WWOX: variants seen among roughly 807,000 people sequenced by gnomAD.
The protein encoded by WWOX is WW domain-containing oxidoreductase.
A neutral mutation model predicts 46.2 loss-of-function variants in WWOX; 69 were observed. The ratio of observed to expected loss-of-function variants is 1.49; its 90% CI spans 1.23 to 1.82. WWOX has a LOEUF of 1.82. Among genes scored for constraint, WWOX ranks in the 40% most tolerant of loss-of-function variants. WWOX has a pLI of 0.00. For synonymous variants in WWOX, 359 were observed against 202.6 expected, an observed-to-expected ratio of 1.77 and a Z score of -6.56; for missense variants, 919 against 542.6, an observed-to-expected ratio of 1.69 and a Z score of -6.89.
At position 78,542,622 on chromosome 16, in the gene WWOX, G is replaced by T. The variant is rs72803937; in HGVS notation, c.1056+109870G>T. On this transcript the variant is annotated intron_variant, in intron 8 of 8. Transcript: ENST00000566780. ...CCTACCGCACAGATCCACACAGGAG[G>T]GATTGCGTAATGCACCCAGCAGAGT... is the stretch of plus-strand genomic sequence containing the variant. 6.1e-3 allele frequency among the ~76,000 whole-genome samples: 936 copies of T among 152,262 alleles called. 9 individuals are homozygous for T. The highest frequency in any genetic ancestry group is 0.01 in the Non-Finnish European group (697 of 68,016).
chr16:78,659,917 G>T (rs974023039), intron 8 of WWOX, among the ~76,000 whole-genome samples: 13 of 151,992 alleles, frequency 8.6e-5, no homozygotes, highest in Admixed American at 5.9e-4. Flanking sequence ...TCATCCCAAG[G>T]GCTGTCACCA....
intron 8 of WWOX, among the ~76,000 whole-genome samples, chr16:78,922,979 C>CTTTTATTT (rs1555569179): frequency 9.0e-6 from 1 of 111,650 alleles, no homozygotes; most frequent in Non-Finnish European, 1.7e-5. Context: ...AATTCTTTCT[C>CTTTTATTT]TTTTCTTTTT....
At chr16:79,007,801 A>G (rs1438066388) in intron 8 of WWOX, among the ~76,000 whole-genome samples, 2 of 152,196 alleles carry the variant, frequency 1.3e-5, no homozygotes, top group East Asian at 1.9e-4. Context: ...ATCATTGACT[A>G]ATAATGGTAG....
At chr16:79,109,698 T>C (rs925180189) in intron 8 of WWOX, among the ~76,000 whole-genome samples, 2 of 152,242 alleles carry the variant, frequency 1.3e-5, no homozygotes, top group Non-Finnish European at 2.9e-5. Context: ...CTCTAAATTA[T>C]GATATTCATA....
chr16:78,547,734 GA>G (rs1264304606), intron 8 of WWOX, among the ~76,000 whole-genome samples: 2 of 152,114 alleles, frequency 1.3e-5, no homozygotes, highest in African/African-American at 2.4e-5. Context: ...CATATCGTGG[GA>G]GGGGCAAAGG....
At chr16:78,394,688 C>T (rs982825328) in intron 6 of WWOX, among the ~76,000 whole-genome samples, 1 of 152,202 alleles carries the variant, frequency 6.6e-6, no homozygotes, top group African/African-American at 2.4e-5. Flanking sequence ...GTTGCAACTG[C>T]TTGCTTTTGC....
chr16:78,601,934 A>G (rs1192016448), intron 8 of WWOX, among the ~76,000 whole-genome samples: 2 of 152,196 alleles, frequency 1.3e-5, no homozygotes, highest in Admixed American at 6.5e-5. Flanking sequence ...CGAAATCATC[A>G]TCTGTTTCAT....
At chr16:78,754,485 T>A (rs926619748) in intron 8 of WWOX, among the ~76,000 whole-genome samples, 1 of 152,204 alleles carries the variant, frequency 6.6e-6, no homozygotes, top group African/African-American at 2.4e-5. Flanking sequence ...ACCGCTTTCT[T>A]TTCCTCACCT....
chr16:78,361,602 A>G (rs1690795648), intron 5 of WWOX, among the ~76,000 whole-genome samples: 2 of 151,532 alleles, frequency 1.3e-5, no homozygotes, highest in Admixed American at 1.3e-4. Context: ...CTTCTCCCCC[A>G]TTTCTTTCTT....
chr16:78,793,369 T>A (rs1231203761), intron 8 of WWOX, among the ~76,000 whole-genome samples: 1 of 152,234 alleles, frequency 6.6e-6, no homozygotes. Context: ...CCCCTGCCTC[T>A]GTTTAAATGC....
chr16:78,294,780 G>A (rs187472989), intron 5 of WWOX, among the ~76,000 whole-genome samples: 191 of 152,186 alleles, frequency 1.3e-3, no homozygotes, highest in African/African-American at 4.3e-3. Flanking sequence ...AAAGGAGGAA[G>A]GAAGGATGGG....
chr16:78,359,365 A>G (rs1285449855), intron 5 of WWOX, among the ~76,000 whole-genome samples: 2 of 152,264 alleles, frequency 1.3e-5, no homozygotes, highest in Non-Finnish European at 2.9e-5. Context: ...AATGTAGCAT[A>G]TACAAATTAA....
chr16:78,292,953 C>T (rs779295920), intron 5 of WWOX, among the ~76,000 whole-genome samples: 21 of 152,168 alleles, frequency 1.4e-4, no homozygotes, highest in Non-Finnish European at 2.4e-4. Context: ...CATGGAGACA[C>T]CTCCCCTCCC....
intron 5 of WWOX, among the ~76,000 whole-genome samples, chr16:78,318,547 G>A (rs1249077499): frequency 6.6e-6 from 1 of 152,060 alleles, no homozygotes; most frequent in Non-Finnish European, 1.5e-5. Flanking sequence ...CAACATTTAG[G>A]CACACAGTAC....
At chr16:78,414,788 G>A (rs1041710919) in intron 6 of WWOX, among the ~76,000 whole-genome samples, 1 of 152,120 alleles carries the variant, frequency 6.6e-6, no homozygotes, top group Non-Finnish European at 1.5e-5. Context: ...GGGGAAAGCT[G>A]TTATTTAAAC....
At chr16:78,132,672 TG>T (rs2033644651) in intron 4 of WWOX, among the ~76,000 whole-genome samples, 1 of 152,184 alleles carries the variant, frequency 6.6e-6, no homozygotes, top group Non-Finnish European at 1.5e-5. Context: ...TTTTATTTTG[TG>T]GGCAGATTTC....
At chr16:78,390,359 T>C (rs192383534) in intron 6 of WWOX, among the ~76,000 whole-genome samples, 188 of 152,330 alleles carry the variant, frequency 1.2e-3, no homozygotes, top group African/African-American at 4.4e-3. Flanking sequence ...CAAGTGCCTT[T>C]TGTAATCACC....
chr16:79,021,671 A>G (rs925866132), intron 8 of WWOX, among the ~76,000 whole-genome samples: 4 of 152,230 alleles, frequency 2.6e-5, no homozygotes, highest in African/African-American at 4.8e-5. Context: ...TGCTTCTCAC[A>G]CGATCGCAGT....
chr16:78,735,254 C>G (rs549541670), intron 8 of WWOX, among the ~76,000 whole-genome samples: 7 of 152,168 alleles, frequency 4.6e-5, no homozygotes, highest in African/African-American at 1.7e-4. Flanking sequence ...ACTGAAACTA[C>G]ACATCAGTTC....
Sources: allele counts gnomAD v4.1 joint callset (sites outside exome capture counted in the v4.1 genomes callset), GRCh38; gene constraint gnomAD v4.1.1; transcripts MANE v1.5; gene names NCBI Gene and HGNC (gene_info 2026-07-23, HGNC 2026-07-21).